The following FER variants were observed in gnomAD, a reference collection of about 807,000 sequenced individuals.
FER encodes tyrosine-protein kinase Fer.
Under a neutral mutation model 111.0 loss-of-function variants are expected in FER, and 63 were observed. That is an observed-to-expected ratio of 0.57 (90% confidence interval 0.46 to 0.70). FER has a LOEUF of 0.70. Among genes scored for constraint, FER ranks in the 30% least tolerant of loss-of-function variants. The probability of loss-of-function intolerance (pLI) is 0.00; values close to 1 mark genes in which losing one functional copy is unlikely to be tolerated. For synonymous variants in FER, 327 were observed against 313.9 expected (o/e 1.04, Z -0.44); for missense variants, 914 against 954.0 (o/e 0.96, Z 0.55).
chr5:108,832,751 T>G lies in FER; in HGVS notation c.208-19T>G, dbSNP rs772780418. ...AACCTTTAATGCAAATGTTTGTTTC[T>G]TTTTTTTTTTTTTTTAAGTCTTGGC... is the stretch of plus-strand genomic sequence containing the variant. On this transcript the variant is annotated intron_variant, in intron 3 of 19. Transcript: ENST00000281092. The G allele has an allele frequency of 1.4e-4, 22 of 160,140 alleles. No individual in the cohort carries two copies. Among genetic ancestry groups the G allele is most frequent in the African/African-American group, 3.4e-4 (11 of 32,194 alleles). 9.9% of individuals were successfully genotyped at this position (160,140 alleles called of 1,614,324 possible).
At chr5:108,889,367 A>G (rs868196869) in intron 9 of FER, among the ~76,000 whole-genome samples, 12 of 152,138 alleles carry the variant, frequency 7.9e-5, no homozygotes, top group Middle Eastern at 6.8e-3. Context: ...CTATTCAGCC[A>G]TTAAAAAAAG....
At chr5:109,037,840 C>T (rs1770612789) in intron 14 of FER, among the ~76,000 whole-genome samples, 1 of 151,842 alleles carries the variant, frequency 6.6e-6, no homozygotes, top group South Asian at 2.1e-4. Flanking sequence ...TAGTCTTGTT[C>T]TTTTTGTTTC....
chr5:108,863,035 C>G (rs1011267511), intron 5 of FER, among the ~76,000 whole-genome samples: 3 of 152,122 alleles, frequency 2.0e-5, no homozygotes, highest in Non-Finnish European at 4.4e-5. Flanking sequence ...GAGCCTCCTC[C>G]TAACTTGTGT....
Position 108,867,822 on chromosome 5 carries a change from T to C in FER, c.537T>C (p.His179=). ...ACGACAAAGCCACAATGAAACTTCA[T>C]ATGTTGCACAATCAGTATGTATTGG... ...ERYDKATMKL[H]MLHNQYVLAL... The change falls in exon 6 of 20, where the codon CAT becomes CAC. Residue 179 remains histidine, a synonymous_variant. Transcript: ENST00000281092. The C allele has an allele frequency of 6.2e-7, 1 of 1,613,128 alleles. No homozygotes were observed.
At chr5:109,084,495 C>T (rs1777335153) in intron 16 of FER, among the ~76,000 whole-genome samples, 1 of 135,702 alleles carries the variant, frequency 7.4e-6, no homozygotes, top group Admixed American at 7.1e-5. Context: ...GTTATTTTAC[C>T]ACAATTAAAA....
At chr5:108,871,536 G>C (rs1441181889) in intron 7 of FER, 34 bp downstream of exon 7, 12 of 1,510,212 alleles carry the variant, frequency 7.9e-6, no homozygotes, top group Non-Finnish European at 1.1e-5. Flanking sequence ...AAGGATTTAT[G>C]ACAGTATTAT....
intron 17 of FER, among the ~76,000 whole-genome samples, chr5:109,146,692 C>T (rs1754257316): frequency 6.6e-6 from 1 of 151,914 alleles, no homozygotes; most frequent in Admixed American, 6.6e-5. Flanking sequence ...AGTTCTTCCC[C>T]AAAGTGACAC....
chr5:108,806,927 G>A (rs559307170), intron 3 of FER, among the ~76,000 whole-genome samples: 1 of 152,270 alleles, frequency 6.6e-6, no homozygotes, highest in African/African-American at 2.4e-5. Context: ...GTTTTGAAAT[G>A]TGAGGACATG....
chr5:108,781,009 G>T (rs533958664), intron 2 of FER, among the ~76,000 whole-genome samples: 1 of 152,058 alleles, frequency 6.6e-6, no homozygotes, highest in Non-Finnish European at 1.5e-5. Context: ...TTTTGGTTCT[G>T]TCTTAGAATT....
intron 16 of FER, among the ~76,000 whole-genome samples, chr5:109,060,287 A>T: frequency 6.6e-6 from 1 of 152,192 alleles, no homozygotes; most frequent in East Asian, 1.9e-4. Context: ...ACTAAGCTTC[A>T]ATATACTTCT....
intron 13 of FER, among the ~76,000 whole-genome samples, chr5:108,981,084 A>G (rs1004472682): frequency 6.6e-5 from 10 of 152,150 alleles, no homozygotes; most frequent in African/African-American, 1.2e-4. Context: ...AGTGAAGCAC[A>G]ATAAAATAAG....
At chr5:108,933,248 T>C (rs982953812) in intron 10 of FER, among the ~76,000 whole-genome samples, 5 of 152,248 alleles carry the variant, frequency 3.3e-5, no homozygotes, top group African/African-American at 7.2e-5. Context: ...AAGTCTTTAA[T>C]CTATCTTGAG....
intron 8 of FER, among the ~76,000 whole-genome samples, chr5:108,879,230 AC>A (rs1765394464): frequency 6.6e-6 from 1 of 152,038 alleles, no homozygotes; most frequent in African/African-American, 2.4e-5. Context: ...TTGAACTGTT[AC>A]TATTTTTTAT....
At chr5:108,973,797 T>G (rs1760981830) in intron 13 of FER, among the ~76,000 whole-genome samples, 1 of 152,164 alleles carries the variant, frequency 6.6e-6, no homozygotes, top group Admixed American at 6.5e-5. Context: ...CTCACTACTT[T>G]CTAGTAATGC....
intron 16 of FER, among the ~76,000 whole-genome samples, chr5:109,067,652 G>A (rs1056904375): frequency 6.6e-6 from 1 of 151,830 alleles, no homozygotes; most frequent in African/African-American, 2.4e-5. Context: ...CTAATCATCT[G>A]CTACTATAGT....
At chr5:109,181,840 T>A (rs1361929806) in intron 18 of FER, among the ~76,000 whole-genome samples, 2 of 152,182 alleles carry the variant, frequency 1.3e-5, no homozygotes, top group South Asian at 2.1e-4. Flanking sequence ...AACCAGTACC[T>A]CTAGTTTCAA....
At chr5:108,860,088 T>A (rs1351743947) in intron 5 of FER, among the ~76,000 whole-genome samples, 1 of 151,768 alleles carries the variant, frequency 6.6e-6, no homozygotes, top group Non-Finnish European at 1.5e-5. Flanking sequence ...ACTACAGGTG[T>A]GCACCACCAC....
intron 9 of FER, among the ~76,000 whole-genome samples, chr5:108,891,707 C>T (rs2150310610): frequency 6.7e-6 from 1 of 150,092 alleles, no homozygotes; most frequent in South Asian, 2.1e-4. Context: ...GGTACATGTG[C>T]ACAACGTGCA....
At chr5:108,957,912 T>C (rs1318915568) in intron 12 of FER, among the ~76,000 whole-genome samples, 1 of 151,630 alleles carries the variant, frequency 6.6e-6, no homozygotes, top group Non-Finnish European at 1.5e-5. Flanking sequence ...TAGAAACATA[T>C]ATTATTAGAA....
Sources: gnomAD v4.1 joint callset for allele counts (sites outside exome capture counted in the v4.1 genomes callset) on GRCh38, gnomAD v4.1.1 for gene constraint, MANE v1.5 for transcripts, NCBI Gene and HGNC (gene_info 2026-07-23, HGNC 2026-07-21) for gene names.